Variants in AP3B1 observed in about 807,000 individuals in gnomAD.
The protein encoded by AP3B1 is adaptor related protein complex 3 subunit beta 1.
AP3B1 carries 61 observed loss-of-function variants against 132.5 expected under a neutral mutation model. The observed-to-expected ratio is 0.46, with a 90% CI of 0.37 to 0.57. The LOEUF (loss-of-function observed/expected upper bound fraction) is 0.57. AP3B1 is among the 20% of genes least tolerant of loss of function. The pLI, the probability that AP3B1 is intolerant of heterozygous loss-of-function variation, is 0.00. For missense variants in AP3B1, 1,120 were observed against 1,289.4 expected, an observed-to-expected ratio of 0.87 and a Z score of 2.01; for synonymous variants, 388 against 438.3, an observed-to-expected ratio of 0.89 and a Z score of 1.43.
At chr5:78,227,282 C>T in intron 5 of AP3B1, 90 bp downstream of exon 5, 1 of 1,287,428 alleles carries the variant, frequency 7.8e-7, no homozygotes, top group Non-Finnish European at 1.1e-6. Flanking sequence ...GAGCAGCCTA[C>T]CTAAAAGAGC....
chr5:78,162,331 C>T (rs374178163), intron 13 of AP3B1, among the ~76,000 whole-genome samples: 2 of 152,076 alleles, frequency 1.3e-5, no homozygotes, highest in Non-Finnish European at 1.5e-5. Context: ...AAGTTTATGG[C>T]TTTTAAATCT....
intron 7 of AP3B1, among the ~76,000 whole-genome samples, chr5:78,190,583 CCAGTTCAAT>C (rs1744786026): frequency 6.6e-6 from 1 of 152,166 alleles, no homozygotes; most frequent in Admixed American, 6.5e-5. Flanking sequence ...TCTGGACACA[CCAGTTCAAT>C]ATAAGTGCTG....
intron 1 of AP3B1, among the ~76,000 whole-genome samples, chr5:78,276,953 T>A (rs866494204): frequency 1.3e-5 from 2 of 149,466 alleles, no homozygotes; most frequent in African/African-American, 4.8e-5. Flanking sequence ...TGATCTAAGT[T>A]TCCATCTCAG....
intron 13 of AP3B1, among the ~76,000 whole-genome samples, chr5:78,158,939 C>A (rs1251318138): frequency 2.0e-5 from 3 of 152,152 alleles, no homozygotes; most frequent in Non-Finnish European, 4.4e-5. Flanking sequence ...CTCAGGTGAT[C>A]CACCCGCCTT....
intron 14 of AP3B1, 32 bp from the exon 15 acceptor site, chr5:78,141,351 G>C (rs747437913): frequency 2.8e-4 from 447 of 1,568,576 alleles, no homozygotes; most frequent in Middle Eastern, 5.0e-4. Context: ...ATAGTTAGAA[G>C]TAAGTTAATC....
At chr5:78,123,143 G>T (rs866421650) in intron 17 of AP3B1, among the ~76,000 whole-genome samples, 1,663 of 152,258 alleles carry the variant, frequency 0.011, 30 homozygotes, top group African/African-American at 0.038. Flanking sequence ...TGGCTAGCCA[G>T]ATGTAGAAAG....
rs1226113490 is a variant in AP3B1 at position 78,177,416 on chromosome 5, C to T, written c.963G>A (p.Gln321=). 4 of 1,613,648 alleles carry T rather than the reference C, an allele frequency of 2.5e-6. No individual in the cohort carries two copies. The highest frequency in any genetic ancestry group is 3.4e-6 in the Non-Finnish European group (4 of 1,179,760). ...RNAAVVMAVA[Q]LYWHISPKSE... is the part of the protein sequence containing the mutation. ...ATTTTGGTGATATGTGCCAATACAG[C>T]TGAGCAACTGCCATAACCACCTACA... The change falls in exon 9 of 27, where the codon CAG becomes CAA. Residue 321 remains glutamine, a synonymous_variant. Coordinates refer to ENST00000255194, the MANE Select transcript of AP3B1 (RefSeq NM_003664.5).
At chr5:78,149,102 T>C (rs1385215627) in intron 14 of AP3B1, among the ~76,000 whole-genome samples, 1 of 152,122 alleles carries the variant, frequency 6.6e-6, no homozygotes, top group Non-Finnish European at 1.5e-5. Context: ...TGTCAATGAC[T>C]TGAGGGAAGC....
At chr5:78,200,336 T>C (rs1387230394) in intron 7 of AP3B1, among the ~76,000 whole-genome samples, 1 of 152,096 alleles carries the variant, frequency 6.6e-6, no homozygotes, top group African/African-American at 2.4e-5. Flanking sequence ...CTAGTTATGG[T>C]TTTTGAGGAT....
At chr5:78,145,165 T>C (rs1753334606) in intron 14 of AP3B1, among the ~76,000 whole-genome samples, 1 of 152,242 alleles carries the variant, frequency 6.6e-6, no homozygotes, top group Non-Finnish European at 1.5e-5. Context: ...ATTTAAACTT[T>C]AGTTTTTATA....
chr5:78,151,773 T>C (rs1232729782), intron 14 of AP3B1, among the ~76,000 whole-genome samples: 2 of 152,014 alleles, frequency 1.3e-5, no homozygotes, highest in Non-Finnish European at 2.9e-5. Flanking sequence ...TTGAGGATTT[T>C]TACATTGATA....
intron 21 of AP3B1, among the ~76,000 whole-genome samples, chr5:78,095,411 A>C (rs1750729478): frequency 6.6e-6 from 1 of 152,204 alleles, no homozygotes; most frequent in South Asian, 2.1e-4. Flanking sequence ...ACTGGAGAGT[A>C]ACATTTTAGT....
At chr5:78,102,880 A>G (rs1377416714) in intron 20 of AP3B1, among the ~76,000 whole-genome samples, 3 of 152,166 alleles carry the variant, frequency 2.0e-5, no homozygotes, top group African/African-American at 2.4e-5. Flanking sequence ...TATTAAATAC[A>G]TATCAGGTCA....
At chr5:78,081,577 G>A (rs1473076717) in intron 22 of AP3B1, among the ~76,000 whole-genome samples, 2 of 151,998 alleles carry the variant, frequency 1.3e-5, no homozygotes, top group African/African-American at 2.4e-5. Context: ...GATTACAGGC[G>A]TGAGCCACCG....
At chr5:78,199,426 G>A (rs1308772126) in intron 7 of AP3B1, among the ~76,000 whole-genome samples, 1 of 152,166 alleles carries the variant, frequency 6.6e-6, no homozygotes, top group Admixed American at 6.5e-5. Flanking sequence ...TGATGGGGAA[G>A]AAAATAGAAA....
rs573784236 is a variant in AP3B1 at position 78,073,697 on chromosome 5, A to T, written c.2577+15696T>A. Among the ~76,000 whole-genome samples the T allele has an allele frequency of 1.3e-3, 201 of 152,310 alleles. No individual in the cohort carries two copies. The Middle Eastern group carries it at 0.014, about 10-fold the overall frequency. On this transcript the variant is annotated intron_variant, in intron 22 of 26. Transcript: ENST00000255194. ...TACATTTTTAAATAAATTATATTTTAAAAATCATCTTATTTCCTACTGTGG... is the reference window on the plus strand; with the variant it reads ...TACATTTTTAAATAAATTATATTTTTAAAATCATCTTATTTCCTACTGTGG...
chr5:78,118,059 G>T (rs1200425557), intron 17 of AP3B1, among the ~76,000 whole-genome samples: 2 of 152,090 alleles, frequency 1.3e-5, no homozygotes, highest in African/African-American at 4.8e-5. Context: ...AATCACCTGA[G>T]AATAGTTTTT....
chr5:78,257,683 A>C (rs188416995), intron 2 of AP3B1, among the ~76,000 whole-genome samples: 59 of 152,376 alleles, frequency 3.9e-4, no homozygotes, highest in African/African-American at 1.4e-3. Context: ...TAAAATTTAT[A>C]TGGAACCACA....
At chr5:78,052,132 A>C (rs1748609229) in intron 22 of AP3B1, among the ~76,000 whole-genome samples, 1 of 152,220 alleles carries the variant, frequency 6.6e-6, no homozygotes, top group South Asian at 2.1e-4. Flanking sequence ...TTAATACTAA[A>C]GATAACTTCT....
Sources: gnomAD v4.1 joint callset for allele counts (sites outside exome capture counted in the v4.1 genomes callset) on GRCh38, gnomAD v4.1.1 for gene constraint, MANE v1.5 for transcripts, NCBI Gene and HGNC (gene_info 2026-07-23, HGNC 2026-07-21) for gene names.